SOX6: variants seen among roughly 807,000 people sequenced by gnomAD.
SOX6 encodes the protein SRY-box transcription factor 6.
Under a neutral mutation model 97.8 loss-of-function variants are expected in SOX6, and 11 were observed. The observed-to-expected ratio is 0.11, with a 90% CI of 0.07 to 0.19. SOX6 has a LOEUF of 0.19. SOX6 is among the 10% of genes least tolerant of loss of function. SOX6 has a pLI of 1.00. For synonymous variants in SOX6, 360 were observed against 371.4 expected (o/e 0.97, Z 0.35); for missense variants, 810 against 1,039.5 (o/e 0.78, Z 3.04).
chr11:16,014,603 C>A (rs1854827144), intron 13 of SOX6, among the ~76,000 whole-genome samples: 1 of 151,922 alleles, frequency 6.6e-6, no homozygotes, highest in Non-Finnish European at 1.5e-5. Flanking sequence ...CTAAGTTTTC[C>A]CTTTTTAAAT....
intron 1 of SOX6, among the ~76,000 whole-genome samples, chr11:16,363,775 GA>G (rs1385451071): frequency 6.6e-6 from 1 of 150,910 alleles, no homozygotes; most frequent in East Asian, 1.9e-4. Context: ...TTGGCATCAA[GA>G]AATAAGATTT....
At chr11:16,318,272 C>A in intron 3 of SOX6, 174 bp downstream of exon 3, 1 of 664,194 alleles carries the variant, frequency 1.5e-6, no homozygotes. Context: ...ATCTGTTTAA[C>A]ACTCCTAATG....
chr11:16,530,707 G>A (rs1309848068), intron 4 of SOX6, among the ~76,000 whole-genome samples: 2 of 151,924 alleles, frequency 1.3e-5, no homozygotes, highest in Admixed American at 6.6e-5. Context: ...CCACACTGAT[G>A]AATTGAAGGT....
chr11:16,133,847 C>T (rs571143988), intron 6 of SOX6, among the ~76,000 whole-genome samples: 1 of 152,218 alleles, frequency 6.6e-6, no homozygotes, highest in African/African-American at 2.4e-5. Context: ...CTCCACCATG[C>T]CCAGCTAATT....
intron 3 of SOX6, among the ~76,000 whole-genome samples, chr11:16,308,314 T>G (rs1164637384): frequency 6.6e-6 from 1 of 152,158 alleles, no homozygotes; most frequent in African/African-American, 2.4e-5. Flanking sequence ...ACTCTAAAAT[T>G]TGGATACAAA....
chr11:16,253,075 C>T (rs1156801456), intron 3 of SOX6, among the ~76,000 whole-genome samples: 2 of 152,076 alleles, frequency 1.3e-5, no homozygotes, highest in Non-Finnish European at 2.9e-5. Context: ...AGGCTGGGCA[C>T]GGTGGCTCAC....
At chr11:16,356,698 T>C (rs1040397690), upstream of SOX6, among the ~76,000 whole-genome samples, 6 of 152,110 alleles carry the variant, frequency 3.9e-5, no homozygotes, top group African/African-American at 1.2e-4. Flanking sequence ...AGATGAAATA[T>C]AGAGGGGCCC....
At chr11:16,164,554 T>C (rs1850833996) in intron 6 of SOX6, among the ~76,000 whole-genome samples, 1 of 152,186 alleles carries the variant, frequency 6.6e-6, no homozygotes, top group South Asian at 2.1e-4. Context: ...CCGGGCACAG[T>C]GGCTCACGCC....
At chr11:16,441,900 C>T (rs1859509870) in intron 1 of SOX6, among the ~76,000 whole-genome samples, 1 of 152,148 alleles carries the variant, frequency 6.6e-6, no homozygotes, top group Admixed American at 6.5e-5. Flanking sequence ...GGAGTTTGTA[C>T]ACTTTAAGAA....
At chr11:16,181,019 T>C (rs1476686483) in intron 6 of SOX6, among the ~76,000 whole-genome samples, 1 of 151,692 alleles carries the variant, frequency 6.6e-6, no homozygotes, top group Non-Finnish European at 1.5e-5. Context: ...GACCCAGATG[T>C]GTCTGTGTGG....
intron 3 of SOX6, among the ~76,000 whole-genome samples, chr11:16,711,507 A>T (rs1309913104): frequency 1.3e-5 from 2 of 152,204 alleles, no homozygotes; most frequent in Non-Finnish European, 2.9e-5. Context: ...TGGACGACAG[A>T]AGGAGATGCT....
intron 4 of SOX6, among the ~76,000 whole-genome samples, chr11:16,596,621 G>A (rs751887404): frequency 4.6e-5 from 7 of 152,228 alleles, no homozygotes; most frequent in Admixed American, 2.0e-4. Context: ...TATACATAAC[G>A]CCATGACAGT....
At chr11:16,633,724 G>C (rs1848745240) in intron 3 of SOX6, among the ~76,000 whole-genome samples, 1 of 152,190 alleles carries the variant, frequency 6.6e-6, no homozygotes, top group African/African-American at 2.4e-5. Context: ...CTGAATAGGA[G>C]ACTGTCAGGG....
At chr11:16,560,228 G>A (rs1847793210) in intron 4 of SOX6, among the ~76,000 whole-genome samples, 1 of 152,052 alleles carries the variant, frequency 6.6e-6, no homozygotes, top group Non-Finnish European at 1.5e-5. Context: ...GAATGGTGAG[G>A]GACCTGCAAG....
intron 3 of SOX6, among the ~76,000 whole-genome samples, chr11:16,636,422 C>T (rs1351938381): frequency 1.3e-5 from 2 of 152,242 alleles, no homozygotes; most frequent in African/African-American, 4.8e-5. Flanking sequence ...CCTGTACCCT[C>T]ATTGCATCTA....
At chr11:16,257,532 C>A (rs1853730385) in intron 3 of SOX6, among the ~76,000 whole-genome samples, 1 of 151,884 alleles carries the variant, frequency 6.6e-6, no homozygotes, top group Non-Finnish European at 1.5e-5. Context: ...AGACATATAT[C>A]TTATGCTCTT....
Position 16,677,377 on chromosome 11 carries a change from T to C in SOX6, n.429+37453A>G, listed in dbSNP as rs546670770. Among the ~76,000 whole-genome samples, 26 of 152,288 alleles carry C rather than the reference T, an allele frequency of 1.7e-4. No homozygotes were observed. In the South Asian group the frequency reaches 4.8e-3, roughly 28 times the overall value. On this transcript the variant is annotated intron_variant and non_coding_transcript_variant, in intron 3 of 5. Transcript: ENST00000524520. Reference sequence around the variant, plus strand: ...ATTCAAGGTTTTATTTAATTATTATTAAATATTTCCCTGGTTGCTGTAAGC... The same window carrying C: ...ATTCAAGGTTTTATTTAATTATTATCAAATATTTCCCTGGTTGCTGTAAGC...
At chr11:16,061,097 G>A (rs1016729659) in intron 9 of SOX6, among the ~76,000 whole-genome samples, 3 of 151,498 alleles carry the variant, frequency 2.0e-5, no homozygotes, top group Non-Finnish European at 3.0e-5. Flanking sequence ...TGATATTAAG[G>A]TTAAAAAATA....
At chr11:15,983,944 C>G (rs1853747291) in intron 15 of SOX6, among the ~76,000 whole-genome samples, 1 of 152,156 alleles carries the variant, frequency 6.6e-6, no homozygotes, top group East Asian at 1.9e-4. Flanking sequence ...CATAGCCACA[C>G]TCATGACTGC....
Sources: gnomAD v4.1 joint callset for allele counts (sites outside exome capture counted in the v4.1 genomes callset) on GRCh38, gnomAD v4.1.1 for gene constraint, MANE v1.5 for transcripts, NCBI Gene and HGNC (gene_info 2026-07-23, HGNC 2026-07-21) for gene names.